Variants in DDX60L observed in about 807,000 individuals in gnomAD.
The protein encoded by DDX60L is DExD/H-box 60 like, also known as probable ATP-dependent RNA helicase DDX60-like.
DDX60L carries 191 observed loss-of-function variants against 211.6 expected under a neutral mutation model. That is an observed-to-expected ratio of 0.90 (90% CI 0.80 to 1.02). The LOEUF (loss-of-function observed/expected upper bound fraction) is 1.02. DDX60L is among the 50% of genes least tolerant of loss of function. DDX60L has a pLI of 0.00. For missense variants in DDX60L, 2,007 were observed against 1,984.1 expected (o/e 1.01, Z -0.22); for synonymous variants, 706 against 694.1 (o/e 1.02, Z -0.27).
chr4:168,370,719 T>A (rs1339266868), intron 36 of DDX60L, among the ~76,000 whole-genome samples: 2 of 152,198 alleles, frequency 1.3e-5, no homozygotes, highest in Non-Finnish European at 1.5e-5. Context: ...TTACAATATG[T>A]CAATTTATAA....
At chr4:168,370,174 G>A (rs905067456) in intron 36 of DDX60L, among the ~76,000 whole-genome samples, 6 of 152,048 alleles carry the variant, frequency 3.9e-5, no homozygotes, top group African/African-American at 1.2e-4. Context: ...CAACTTAAGT[G>A]TCCAACAGTG....
Position 168,447,792 on chromosome 4 carries a change from A to C in DDX60L, c.1138+846T>G, listed in dbSNP as rs1327119367. On this transcript the variant is annotated intron_variant, in intron 9 of 37. Coordinates refer to ENST00000682922, the MANE Select transcript of DDX60L (RefSeq NM_001012967.3). ...TATCGCAAGATCAAAAAAACCAAAC[A>C]CCGCATATTCTCACTCATAGGTGGG... is the stretch of plus-strand genomic sequence containing the variant. Among the ~76,000 whole-genome samples, 32 of 148,680 alleles carry C rather than the reference A, an allele frequency of 2.2e-4. No individual in the cohort carries two copies. In the East Asian group the frequency reaches 5.0e-3, roughly 23 times the overall value.
intron 37 of DDX60L, among the ~76,000 whole-genome samples, chr4:168,360,712 C>T (rs1191513654): frequency 6.6e-6 from 1 of 152,148 alleles, no homozygotes; most frequent in African/African-American, 2.4e-5. Context: ...ATGGGAGCTG[C>T]CAGAGTCTGG....
chr4:168,415,858 T>TG, intron 20 of DDX60L, 59 bp from the exon 21 acceptor site: 1 of 1,337,198 alleles, frequency 7.5e-7, no homozygotes, highest in Non-Finnish European at 9.8e-7. Context: ...ATCAAGAACT[T>TG]GGATATTTTA....
At chr4:168,366,487 C>T (rs1422767237) in intron 36 of DDX60L, among the ~76,000 whole-genome samples, 1 of 151,628 alleles carries the variant, frequency 6.6e-6, no homozygotes, top group Non-Finnish European at 1.5e-5. Context: ...AAAGAGGACA[C>T]TAAGAAATGA....
At chr4:168,411,978 G>A (rs1241479818) in intron 22 of DDX60L, among the ~76,000 whole-genome samples, 2 of 151,780 alleles carry the variant, frequency 1.3e-5, no homozygotes, top group African/African-American at 4.8e-5. Flanking sequence ...GACCTTTCTA[G>A]ACACATGCTG....
intron 28 of DDX60L, among the ~76,000 whole-genome samples, chr4:168,394,118 G>C (rs1399461412): frequency 2.0e-5 from 3 of 151,704 alleles, no homozygotes; most frequent in African/African-American, 7.3e-5. Flanking sequence ...ATTGATTGAC[G>C]CTGGGAGGTG....
chr4:168,417,813 C>T (rs964772752), intron 19 of DDX60L, among the ~76,000 whole-genome samples: 5 of 152,126 alleles, frequency 3.3e-5, no homozygotes, highest in Admixed American at 1.3e-4. Context: ...TGGTCTTAAA[C>T]AGAATACATC....
chr4:168,453,816 A>G (rs1321176859), intron 7 of DDX60L, among the ~76,000 whole-genome samples: 1 of 152,230 alleles, frequency 6.6e-6, no homozygotes, highest in Non-Finnish European at 1.5e-5. Context: ...TTCATAGAGC[A>G]AAATTAGGGA....
intron 19 of DDX60L, among the ~76,000 whole-genome samples, chr4:168,418,545 C>A (rs1749958479): frequency 6.6e-6 from 1 of 152,184 alleles, no homozygotes. Flanking sequence ...AGACTACTTT[C>A]AGCACAAAGA....
intron 29 of DDX60L, 32 bp from the exon 30 acceptor site, chr4:168,384,844 C>G (rs1476855686): frequency 6.3e-7 from 1 of 1,583,976 alleles, no homozygotes; most frequent in East Asian, 2.3e-5. Flanking sequence ...AATGTAAAAC[C>G]TCCACAGATA....
At position 168,419,380 on chromosome 4, in the gene DDX60L, C is replaced by T. The variant is rs1299619490; in HGVS notation, c.2532G>A (p.Pro844=). The change falls in exon 19 of 38, where the codon CCG becomes CCA. Residue 844 remains proline, a synonymous_variant. Coordinates refer to ENST00000682922, the MANE Select transcript of DDX60L (RefSeq NM_001012967.3). ...VLNCQVLITV[P]ECFEILLLAP... is the part of the protein sequence containing the mutation. ...CAAGCAACAGGATTTCAAAACATTC[C>T]GGCACTGTAATAAGTACCTACAAAT... 50 of 1,588,776 alleles carry T rather than the reference C, an allele frequency of 3.1e-5. No individual in the cohort carries two copies. The highest frequency in any genetic ancestry group is 3.9e-5 in the Non-Finnish European group (45 of 1,165,870).
At chr4:168,393,056 A>G (rs1745129162) in intron 28 of DDX60L, among the ~76,000 whole-genome samples, 1 of 152,226 alleles carries the variant, frequency 6.6e-6, no homozygotes, top group Non-Finnish European at 1.5e-5. Context: ...ACCTTTATGA[A>G]AACTTTTCTG....
intron 36 of DDX60L, among the ~76,000 whole-genome samples, chr4:168,367,086 A>T (rs771274822): frequency 6.6e-6 from 1 of 152,146 alleles, no homozygotes; most frequent in Non-Finnish European, 1.5e-5. Flanking sequence ...TTAGATATAC[A>T]CATGCACAAG....
intron 10 of DDX60L, among the ~76,000 whole-genome samples, chr4:168,434,440 T>A (rs796738571): frequency 2.0e-5 from 3 of 152,212 alleles, no homozygotes; most frequent in African/African-American, 7.2e-5. Flanking sequence ...CTATGAGAAA[T>A]AAAATTGTAA....
intron 19 of DDX60L, among the ~76,000 whole-genome samples, chr4:168,417,205 C>G (rs573535050): frequency 6.6e-6 from 1 of 152,240 alleles, no homozygotes; most frequent in South Asian, 2.1e-4. Flanking sequence ...AATTAAATCC[C>G]TACACTGTCC....
chr4:168,418,734 C>T (rs1440556576), intron 19 of DDX60L, among the ~76,000 whole-genome samples: 1 of 152,190 alleles, frequency 6.6e-6, no homozygotes, highest in Non-Finnish European at 1.5e-5. Flanking sequence ...ATAGCTATGT[C>T]CTTCCAGATC....
At chr4:168,478,734 C>T (rs1224392187) in intron 1 of DDX60L, among the ~76,000 whole-genome samples, 4 of 152,116 alleles carry the variant, frequency 2.6e-5, no homozygotes, top group East Asian at 1.9e-4. Flanking sequence ...AGGGAGTCGT[C>T]GGAGTCTGTC....
At chr4:168,413,288 A>G (rs1288171835) in intron 22 of DDX60L, among the ~76,000 whole-genome samples, 1 of 152,192 alleles carries the variant, frequency 6.6e-6, no homozygotes, top group Non-Finnish European at 1.5e-5. Context: ...AAAAGCCAGT[A>G]TTACCCTGAT....
Sources: allele counts gnomAD v4.1 joint callset (sites outside exome capture counted in the v4.1 genomes callset), GRCh38; gene constraint gnomAD v4.1.1; transcripts MANE v1.5; gene names NCBI Gene and HGNC (gene_info 2026-07-23, HGNC 2026-07-21).